Variants in INTS8 observed in about 807,000 individuals in gnomAD.
The protein encoded by INTS8 is integrator complex subunit 8, also known as protein kaonashi-1.
In INTS8, 47 loss-of-function variants were observed where a neutral mutation model predicts 138.9. The observed-to-expected ratio is 0.34, with a 90% CI of 0.27 to 0.43. The LOEUF is 0.43. INTS8 is among the 20% of genes least tolerant of loss of function. The pLI, the probability that INTS8 is intolerant of heterozygous loss-of-function variation, is 1.00. For synonymous variants in INTS8, 392 were observed against 400.9 expected (o/e 0.98, Z 0.27); for missense variants, 996 against 1,173.0 (o/e 0.85, Z 2.20).
At chr8:94,856,047 C>T (rs1815734346) in intron 14 of INTS8, among the ~76,000 whole-genome samples, 1 of 152,120 alleles carries the variant, frequency 6.6e-6, no homozygotes, top group Non-Finnish European at 1.5e-5. Context: ...GAATGCAATA[C>T]TAGGTCCAAG....
In INTS8 at chr8:94,867,289, A is replaced by G. The variant is rs1417938402; in HGVS notation, c.2366A>G (p.Asn789Ser). ...TTCTTTTTAAAGGAGGACATTGTGA[A>G]TGATATTACAGCTGAACACATTTCT... The part of the protein sequence containing the change: ...KLHNVREDIV[N>S]DITAEHISIW... The change falls in exon 20 of 27, where the codon AAT becomes AGT. Residue 789 changes from asparagine to serine, a missense_variant. Coordinates refer to ENST00000523731, the MANE Select transcript of INTS8 (RefSeq NM_017864.4). 12 of 1,611,704 alleles carry G rather than the reference A, an allele frequency of 7.4e-6. No individual in the cohort carries two copies. Among genetic ancestry groups the G allele is most frequent in the Non-Finnish European group, 1.0e-5 (12 of 1,178,914 alleles).
chr8:94,824,289 A>G (rs1438876247), intron 1 of INTS8, among the ~76,000 whole-genome samples: 1 of 152,224 alleles, frequency 6.6e-6, no homozygotes, highest in East Asian at 1.9e-4. Context: ...CTTCACTGAT[A>G]GAGACCACTG....
intron 15 of INTS8, among the ~76,000 whole-genome samples, chr8:94,858,490 G>A (rs1248419023): frequency 1.3e-5 from 2 of 152,216 alleles, no homozygotes; most frequent in Non-Finnish European, 2.9e-5. Flanking sequence ...CTTTTTAAAA[G>A]TGGGAGGTAG....
At chr8:94,844,835 C>T (rs1563651444) in intron 10 of INTS8, among the ~76,000 whole-genome samples, 2 of 151,614 alleles carry the variant, frequency 1.3e-5, no homozygotes, top group South Asian at 4.2e-4. Context: ...TCACTGTAAC[C>T]TCCACCTCCT....
intron 20 of INTS8, chr8:94,867,858 A>C (rs1816240388): frequency 6.6e-6 from 1 of 152,358 alleles, no homozygotes; most frequent in Non-Finnish European, 1.5e-5. Context: ...AAGATTTATC[A>C]GCCTTGGAAC....
chr8:94,862,437 C>G (rs114518523), intron 16 of INTS8, among the ~76,000 whole-genome samples: 2,203 of 152,290 alleles, frequency 0.014, 54 homozygotes, highest in African/African-American at 0.05. Context: ...CATAGTAACT[C>G]TTCTCTTTAC....
chr8:94,864,146 A>C (rs540925345), intron 16 of INTS8, among the ~76,000 whole-genome samples: 1 of 152,334 alleles, frequency 6.6e-6, no homozygotes, highest in Non-Finnish European at 1.5e-5. Context: ...GAATAGTCAC[A>C]ATGTGTCAGG....
At position 94,829,044 on chromosome 8, in the gene INTS8, TTACA is replaced by T. The variant is rs759034048; in HGVS notation, c.570+19_570+22del. On this transcript the variant is annotated intron_variant, in intron 5 of 26. Coordinates refer to ENST00000523731, the MANE Select transcript of INTS8 (RefSeq NM_017864.4). The stretch of plus-strand genomic sequence containing the variant: ...TGAAAGTGGTAAGTATTGGCATCAG[TTACA>T]CAGTAACACTTCAGGAACAACTTTA... 6.4e-7 allele frequency: 1 copy of T among 1,574,466 alleles called. No individual in the cohort carries two copies. The highest frequency in any genetic ancestry group is 8.7e-7 in the Non-Finnish European group (1 of 1,149,652).
Position 94,873,490 on chromosome 8 carries a change from C to A in INTS8, c.2637+13C>A. 6.4e-7 allele frequency: 1 copy of A among 1,557,474 alleles called. No individual in the cohort carries two copies. Among genetic ancestry groups the A allele is most frequent in the Non-Finnish European group, 8.9e-7 (1 of 1,128,670 alleles). On this transcript the variant is annotated intron_variant, in intron 22 of 26. Transcript: ENST00000523731. ...TTATACAGACCAGGTGAATTGTTTTCGTGGGCTGGCTGGTTTCTTGCCTAC... is the reference window on the plus strand; with the variant it reads ...TTATACAGACCAGGTGAATTGTTTTAGTGGGCTGGCTGGTTTCTTGCCTAC...
chr8:94,855,498 G>C (rs999970285), intron 14 of INTS8, among the ~76,000 whole-genome samples: 4 of 152,138 alleles, frequency 2.6e-5, no homozygotes, highest in Admixed American at 6.5e-5. Context: ...CCATTGAAAA[G>C]TTTTAATAGG....
At chr8:94,835,466 C>T (rs1344252359) in intron 6 of INTS8, among the ~76,000 whole-genome samples, 1 of 152,148 alleles carries the variant, frequency 6.6e-6, no homozygotes, top group Non-Finnish European at 1.5e-5. Context: ...TTATGGTTAG[C>T]ATACATTTCT....
Position 94,874,613 on chromosome 8 carries a change from A to C in INTS8, c.2688+11A>C. On this transcript the variant is annotated intron_variant, in intron 23 of 26. Transcript: ENST00000523731. ...AATTGCCACACACAGGTTAGTTTATAATATTATGAAGTTGTTTTATTTTTA... is the reference window on the plus strand; with the variant it reads ...AATTGCCACACACAGGTTAGTTTATCATATTATGAAGTTGTTTTATTTTTA... 6.7e-7 allele frequency: 1 copy of C among 1,497,050 alleles called. No homozygotes were observed. The highest frequency in any genetic ancestry group is 9.3e-7 in the Non-Finnish European group (1 of 1,075,522). The allele number at this position is 1,497,050 out of a possible 1,614,324, so 92.7% of individuals were successfully genotyped here.
chr8:94,866,084 C>A (rs1159219554), intron 17 of INTS8, 74 bp from the exon 18 acceptor site: 1 of 653,550 alleles, frequency 1.5e-6, no homozygotes, highest in African/African-American at 1.8e-5. Flanking sequence ...TAAACCTTCA[C>A]CTATAATTTA....
At chr8:94,836,762 A>C in intron 7 of INTS8, 131 bp downstream of exon 7, 1 of 574,326 alleles carries the variant, frequency 1.7e-6, no homozygotes, top group Non-Finnish European at 3.0e-6. Flanking sequence ...AAAGTACTAA[A>C]ACTGGTTTTT....
At chr8:94,831,913 C>T (rs1814732253) in intron 5 of INTS8, 79 bp from the exon 6 acceptor site, 3 of 1,170,328 alleles carry the variant, frequency 2.6e-6, no homozygotes, top group Non-Finnish European at 2.4e-6. Context: ...TACTGAGTTA[C>T]TAAATAGACT....
Position 94,824,868 on chromosome 8 carries a change from G to T in INTS8, c.131-25G>T, listed in dbSNP as rs765684291. 7 of 1,449,408 alleles carry T rather than the reference G, an allele frequency of 4.8e-6. No homozygotes were observed. In the Admixed American group the frequency reaches 7.1e-5, roughly 15 times the overall value. 89.8% of individuals were successfully genotyped at this position (1,449,408 alleles called of 1,614,324 possible). A position where few individuals can be genotyped will look rare whatever the true frequency, so the allele number is the denominator to read the frequency against. On this transcript the variant is annotated intron_variant, in intron 1 of 26. Coordinates refer to ENST00000523731, the MANE Select transcript of INTS8 (RefSeq NM_017864.4). The stretch of plus-strand genomic sequence containing the variant: ...CTACATAATTAAAACTTAAATTTAA[G>T]AATTTATTTTCTTTTAAACCCTAGA...
chr8:94,832,503 C>T (rs976352270), intron 6 of INTS8, among the ~76,000 whole-genome samples: 1 of 152,146 alleles, frequency 6.6e-6, no homozygotes, highest in Non-Finnish European at 1.5e-5. Context: ...AAGATAAAAA[C>T]TAATATTATG....
At chr8:94,843,779 A>G (rs1344978973) in intron 10 of INTS8, among the ~76,000 whole-genome samples, 2 of 152,150 alleles carry the variant, frequency 1.3e-5, no homozygotes, top group Non-Finnish European at 2.9e-5. Context: ...AGGGAATAAT[A>G]TATCTGCAAC....
chr8:94,848,013 C>CTTTTTTTTTTTTT (rs58388097), intron 10 of INTS8, among the ~76,000 whole-genome samples: 7 of 129,994 alleles, frequency 5.4e-5, no homozygotes, highest in African/African-American at 1.2e-4. Flanking sequence ...TAAAACACTG[C>CTTTTTTTTTTTTT]TTTTTTTTTT....
Sources: allele counts gnomAD v4.1 joint callset (sites outside exome capture counted in the v4.1 genomes callset), GRCh38; gene constraint gnomAD v4.1.1; transcripts MANE v1.5; gene names NCBI Gene and HGNC (gene_info 2026-07-23, HGNC 2026-07-21).